HECW2: variants seen among roughly 807,000 people sequenced by gnomAD.
HECW2 encodes the protein E3 ubiquitin-protein ligase HECW2.
Under a neutral mutation model 175.2 loss-of-function variants are expected in HECW2, and 61 were observed. The ratio of observed to expected loss-of-function variants is 0.35; its 90% CI spans 0.28 to 0.43. The LOEUF (loss-of-function observed/expected upper bound fraction) is 0.43. Among genes scored for constraint, HECW2 ranks in the 20% least tolerant of loss-of-function variants. The probability of loss-of-function intolerance (pLI) is 1.00; values close to 1 mark genes in which losing one functional copy is unlikely to be tolerated. For missense variants in HECW2, 1,524 were observed against 2,000.5 expected (o/e 0.76, Z 4.54); for synonymous variants, 671 against 731.0 (o/e 0.92, Z 1.32).
intron 2 of HECW2, among the ~76,000 whole-genome samples, chr2:196,380,234 G>A (rs1466152925): frequency 6.6e-6 from 1 of 152,192 alleles, no homozygotes; most frequent in African/African-American, 2.4e-5. Flanking sequence ...CTGATGGGCT[G>A]TGTGTGTTTG....
intron 2 of HECW2, among the ~76,000 whole-genome samples, chr2:196,377,374 G>A (rs1005904620): frequency 4.6e-5 from 7 of 152,152 alleles, no homozygotes; most frequent in Admixed American, 3.3e-4. Context: ...AGACATACCC[G>A]AAACTGGGTA....
At chr2:196,248,597 G>GACACACACACACACACACAC (rs35800907) in intron 19 of HECW2, among the ~76,000 whole-genome samples, 3 of 143,922 alleles carry the variant, frequency 2.1e-5, no homozygotes, top group Admixed American at 7.0e-5. Context: ...GAGACAGACA[G>GACACACACACACACACACAC]ACACACACAC....
At chr2:196,270,929 C>T (rs947424923) in intron 17 of HECW2, among the ~76,000 whole-genome samples, 4 of 152,102 alleles carry the variant, frequency 2.6e-5, no homozygotes, top group Non-Finnish European at 2.9e-5. Flanking sequence ...CTCTTGACCT[C>T]GTGATCTGCC....
At chr2:196,342,222 T>C (rs886875005) in intron 3 of HECW2, among the ~76,000 whole-genome samples, 1 of 151,740 alleles carries the variant, frequency 6.6e-6, no homozygotes, top group African/African-American at 2.4e-5. Flanking sequence ...CTGACCAACA[T>C]GGAGAAACCC....
intron 2 of HECW2, among the ~76,000 whole-genome samples, chr2:196,372,869 C>T (rs140265294): frequency 5.5e-4 from 83 of 152,184 alleles, no homozygotes; most frequent in African/African-American, 1.7e-3. Context: ...TTTGGTTCCG[C>T]GGCCAAAAAT....
In HECW2 at chr2:196,514,972, A is replaced by C. The variant is rs74264965; in HGVS notation, c.-36+78536T>G. 0.01 allele frequency among the ~76,000 whole-genome samples: 1,552 copies of C among 152,368 alleles called. 69 individuals carry two copies. In the East Asian group the frequency reaches 0.14, roughly 13 times the overall value. ...CTTACCACATTACAGGTCCAGAAGG[A>C]GAGAAGCGGCCCTTTAGGGAGCCCA... On this transcript the variant is annotated intron_variant, in intron 1 of 28. Transcript: ENST00000644978.
intron 19 of HECW2, among the ~76,000 whole-genome samples, 180 bp downstream of exon 19, chr2:196,253,740 A>G (rs1167214108): frequency 2.0e-5 from 3 of 152,256 alleles, no homozygotes; most frequent in Non-Finnish European, 4.4e-5. Context: ...ATGTTTGTCA[A>G]AATGAATCCT....
At chr2:196,245,601 T>C (rs1203050749) in intron 19 of HECW2, among the ~76,000 whole-genome samples, 1 of 152,192 alleles carries the variant, frequency 6.6e-6, no homozygotes, top group Admixed American at 6.5e-5. Flanking sequence ...GCAGTGACTG[T>C]TGCATAAGAG....
chr2:196,281,155 A>T (rs1001189357), intron 14 of HECW2, among the ~76,000 whole-genome samples: 1 of 152,310 alleles, frequency 6.6e-6, no homozygotes, highest in East Asian at 1.9e-4. Flanking sequence ...TCTAAAATCC[A>T]TTCTCAAAAG....
rs916245739 is a variant in HECW2, at chr2:196,563,837, T to C, written c.-36+29671A>G. Among the ~76,000 whole-genome samples the C allele has an allele frequency of 2.0e-5, 3 of 152,158 alleles. No individual in the cohort carries two copies. The South Asian group carries it at 6.2e-4, about 32-fold the overall frequency. On this transcript the variant is annotated intron_variant, in intron 1 of 28. Coordinates refer to ENST00000644978, the MANE Select transcript of HECW2 (RefSeq NM_001348768.2). ...TGCTATCTATTAAATGAAAAAGGGATTACAGAATTAGAACATAATCCCTTT... is the reference window on the plus strand; with the variant it reads ...TGCTATCTATTAAATGAAAAAGGGACTACAGAATTAGAACATAATCCCTTT...
At chr2:196,354,532 C>T (rs1693293335) in intron 2 of HECW2, among the ~76,000 whole-genome samples, 1 of 152,228 alleles carries the variant, frequency 6.6e-6, no homozygotes, top group Non-Finnish European at 1.5e-5. Flanking sequence ...AAAAATCCTG[C>T]ATCAGTATCT....
chr2:196,212,461 C>A (rs886802397), intron 28 of HECW2, among the ~76,000 whole-genome samples: 1 of 152,106 alleles, frequency 6.6e-6, no homozygotes, highest in Non-Finnish European at 1.5e-5. Flanking sequence ...GTTTTCTGTT[C>A]CTGTGTTAGT....
intron 1 of HECW2, among the ~76,000 whole-genome samples, chr2:196,514,957 T>C (rs1377097289): frequency 1.3e-5 from 2 of 152,092 alleles, no homozygotes; most frequent in African/African-American, 4.8e-5. Context: ...CTTACCACAT[T>C]ACAGGTCCAG....
chr2:196,408,655 G>A (rs1453001683), intron 2 of HECW2, among the ~76,000 whole-genome samples: 1 of 152,176 alleles, frequency 6.6e-6, no homozygotes, highest in East Asian at 1.9e-4. Flanking sequence ...AGTAGAAGTA[G>A]AAACTTTATG....
At chr2:196,569,508 A>C (rs1459634023) in intron 1 of HECW2, among the ~76,000 whole-genome samples, 1 of 152,014 alleles carries the variant, frequency 6.6e-6, no homozygotes, top group Admixed American at 6.5e-5. Flanking sequence ...ACACACATAC[A>C]TTTTTCCCTT....
chr2:196,308,423 G>A (rs756078261), intron 10 of HECW2, among the ~76,000 whole-genome samples: 1 of 152,172 alleles, frequency 6.6e-6, no homozygotes, highest in Admixed American at 6.5e-5. Context: ...AGATATTCAC[G>A]TCAAAATGGG....
intron 2 of HECW2, among the ~76,000 whole-genome samples, chr2:196,401,208 C>A (rs1253427967): frequency 6.6e-6 from 1 of 151,858 alleles, no homozygotes; most frequent in Non-Finnish European, 1.5e-5. Context: ...ATATTAAGAC[C>A]AACCCAAAGG....
intron 22 of HECW2, among the ~76,000 whole-genome samples, chr2:196,226,304 T>C (rs1242795099): frequency 6.6e-6 from 1 of 152,264 alleles, no homozygotes; most frequent in East Asian, 1.9e-4. Flanking sequence ...CCTTCCACCA[T>C]GATTGAAAAA....
At chr2:196,217,603 T>TAATATTCA (rs1420985138) in intron 26 of HECW2, 1 of 152,282 alleles carries the variant, frequency 6.6e-6, no homozygotes, top group African/African-American at 2.4e-5. Context: ...AAGCTATATA[T>TAATATTCA]AATATTCATA....
Sources: gnomAD v4.1 joint callset for allele counts (sites outside exome capture counted in the v4.1 genomes callset) on GRCh38, gnomAD v4.1.1 for gene constraint, MANE v1.5 for transcripts, NCBI Gene and HGNC (gene_info 2026-07-23, HGNC 2026-07-21) for gene names.